Variants in FSTL4 observed in about 807,000 individuals in gnomAD.
FSTL4 encodes the protein follistatin-related protein 4.
In FSTL4, 28 loss-of-function variants were observed where a neutral mutation model predicts 78.2. The ratio of observed to expected loss-of-function variants is 0.36; its 90% CI spans 0.27 to 0.49. The LOEUF is 0.49. FSTL4 is among the 20% of genes least tolerant of loss of function. FSTL4 has a pLI of 0.98. For synonymous variants in FSTL4, 422 were observed against 440.5 expected (o/e 0.96, Z 0.53); for missense variants, 922 against 1,084.9 (o/e 0.85, Z 2.11).
At chr5:133,659,397 A>G in the FSTL4 span, among the ~76,000 whole-genome samples, 6 of 151,904 alleles carry the variant, frequency 3.9e-5, no homozygotes. Context: ...TGTCTTTCTG[A>G]TACTAAAATT....
At chr5:133,560,941 T>C (rs1025818279) in intron 3 of FSTL4, among the ~76,000 whole-genome samples, 2 of 150,868 alleles carry the variant, frequency 1.3e-5, no homozygotes, top group East Asian at 4.0e-4. Context: ...ACAAAAACTT[T>C]AGCCGGGCAT....
At chr5:133,447,471 C>T (rs547486193) in intron 3 of FSTL4, among the ~76,000 whole-genome samples, 2 of 152,278 alleles carry the variant, frequency 1.3e-5, no homozygotes, top group South Asian at 4.1e-4. Flanking sequence ...CTGGTTCCTG[C>T]AGCTCGAATT....
intron 3 of FSTL4, among the ~76,000 whole-genome samples, chr5:133,429,600 T>C (rs566793200): frequency 6.6e-6 from 1 of 152,232 alleles, no homozygotes; most frequent in Admixed American, 6.5e-5. Flanking sequence ...AAAGTAGGCC[T>C]GTCCTCTTGA....
At chr5:133,487,432 A>AAGTCCCTGCATGTGCAATGGCAG (rs1401745227) in intron 3 of FSTL4, among the ~76,000 whole-genome samples, 1 of 152,118 alleles carries the variant, frequency 6.6e-6, no homozygotes, top group African/African-American at 2.4e-5. Flanking sequence ...ATCACTCACA[A>AAGTCCCTGCATGTGCAATGGCAG]AGTCCCTGCA....
chr5:133,754,151 C>A, the FSTL4 span, among the ~76,000 whole-genome samples: 2 of 152,154 alleles, frequency 1.3e-5, no homozygotes, highest in Non-Finnish European at 2.9e-5. Flanking sequence ...ACTTACAATT[C>A]AATCATCCAA....
chr5:133,359,028 G>T (rs1441576247), intron 4 of FSTL4, among the ~76,000 whole-genome samples: 1 of 152,174 alleles, frequency 6.6e-6, no homozygotes, highest in African/African-American at 2.4e-5. Flanking sequence ...GGGTCTTTCT[G>T]TATACCCTAA....
intron 4 of FSTL4, among the ~76,000 whole-genome samples, chr5:133,339,690 T>C (rs1754542798): frequency 1.3e-5 from 2 of 152,204 alleles, no homozygotes; most frequent in African/African-American, 2.4e-5. Flanking sequence ...CAGGCTGCCA[T>C]AGGACAGCCC....
chr5:133,217,821 C>A (rs762721533), intron 12 of FSTL4, among the ~76,000 whole-genome samples: 9 of 152,104 alleles, frequency 5.9e-5, no homozygotes, highest in Non-Finnish European at 1.3e-4. Context: ...TACATTAAAC[C>A]TGTGTTGACT....
At chr5:133,629,483 C>T in the FSTL4 span, among the ~76,000 whole-genome samples, 1 of 152,132 alleles carries the variant, frequency 6.6e-6, no homozygotes, top group Non-Finnish European at 1.5e-5. Context: ...ATAACAAGTT[C>T]TGAAATTGAG....
chr5:133,291,774 G>C (rs1032016265), intron 6 of FSTL4, among the ~76,000 whole-genome samples: 10 of 151,974 alleles, frequency 6.6e-5, no homozygotes, highest in Non-Finnish European at 1.2e-4. Context: ...GGGGAGGTGG[G>C]GAGGGTGTGG....
chr5:133,427,842 T>C (rs1332977542), intron 3 of FSTL4: 6 of 376,910 alleles, frequency 1.6e-5, no homozygotes, highest in Non-Finnish European at 1.8e-5. Flanking sequence ...TCCAGAGAAG[T>C]GTGAGGGTTT....
At chr5:133,273,343 C>T (rs1383283284) in intron 6 of FSTL4, among the ~76,000 whole-genome samples, 1 of 152,230 alleles carries the variant, frequency 6.6e-6, no homozygotes. Flanking sequence ...TTTATACTTA[C>T]ATCTCAATTT....
chr5:133,332,456 A>G (rs773222625), intron 4 of FSTL4, among the ~76,000 whole-genome samples: 44 of 152,324 alleles, frequency 2.9e-4, no homozygotes, highest in Non-Finnish European at 5.7e-4. Flanking sequence ...GGATTCTCCA[A>G]AGAAAAGTGT....
intron 6 of FSTL4, among the ~76,000 whole-genome samples, chr5:133,281,678 T>C (rs918499676): frequency 6.6e-6 from 1 of 152,076 alleles, no homozygotes; most frequent in African/African-American, 2.4e-5. Context: ...AGGGGTTTTC[T>C]TTTCTCCTGA....
intron 3 of FSTL4, among the ~76,000 whole-genome samples, chr5:133,561,634 A>G (rs187629382): frequency 4.3e-4 from 66 of 152,274 alleles, no homozygotes; most frequent in Middle Eastern, 3.4e-3. Context: ...CTGTTCTTGA[A>G]GCCAGATCCA....
chr5:133,401,952 T>C (rs954504116), intron 3 of FSTL4, among the ~76,000 whole-genome samples: 1 of 151,868 alleles, frequency 6.6e-6, no homozygotes, highest in African/African-American at 2.4e-5. Context: ...GGGGAGTCAC[T>C]GCAGGGAGGA....
chr5:133,529,649 A>C (rs556994200), intron 3 of FSTL4, among the ~76,000 whole-genome samples: 24 of 152,284 alleles, frequency 1.6e-4, no homozygotes, highest in African/African-American at 5.1e-4. Context: ...GTGCCTGATC[A>C]AGGAGCTAAA....
At chr5:133,603,108 G>A (rs1760906277) in intron 2 of FSTL4, among the ~76,000 whole-genome samples, 1 of 152,148 alleles carries the variant, frequency 6.6e-6, no homozygotes, top group Non-Finnish European at 1.5e-5. Flanking sequence ...GGTTTTAATG[G>A]AAGGGTGAAG....
the FSTL4 span, among the ~76,000 whole-genome samples, chr5:133,817,726 G>T: frequency 6.6e-6 from 1 of 152,170 alleles, no homozygotes; most frequent in African/African-American, 2.4e-5. Context: ...CCTGGAAAGG[G>T]AGCCCAGAAA....
Sources: allele counts gnomAD v4.1 joint callset (sites outside exome capture counted in the v4.1 genomes callset), GRCh38; gene constraint gnomAD v4.1.1; transcripts MANE v1.5; gene names NCBI Gene and HGNC (gene_info 2026-07-23, HGNC 2026-07-21).